The following TP63 variants were observed in gnomAD, a reference collection of about 807,000 sequenced individuals.
The protein encoded by TP63 is tumor protein p63, also known as tumor protein 63.
TP63 carries 17 observed loss-of-function variants against 82.8 expected under a neutral mutation model. The observed-to-expected ratio is 0.21, with a 90% CI of 0.14 to 0.31. TP63 has a LOEUF of 0.31. TP63 is among the 10% of genes least tolerant of loss of function. TP63 has a pLI of 1.00. For missense variants in TP63, 648 were observed against 895.3 expected, an observed-to-expected ratio of 0.72 and a Z score of 3.52; for synonymous variants, 330 against 321.7, an observed-to-expected ratio of 1.03 and a Z score of -0.28.
At chr3:189,747,620 C>T (rs1414754022) in intron 3 of TP63, among the ~76,000 whole-genome samples, 2 of 151,932 alleles carry the variant, frequency 1.3e-5, no homozygotes, top group Non-Finnish European at 2.9e-5. Context: ...TAAATGCCTA[C>T]ACCAATAAGG....
chr3:189,890,833 C>T lies in TP63; in HGVS notation c.1697C>T (p.Thr566Met), dbSNP rs745687224. 46 of 1,613,956 alleles carry T rather than the reference C, an allele frequency of 2.9e-5. No individual in the cohort carries two copies. Among genetic ancestry groups the T allele is most frequent in the South Asian group, 8.8e-5 (8 of 91,088 alleles). The change falls in exon 13 of 14, where the codon ACG (threonine) becomes ATG (methionine). Residue 566 changes from threonine to methionine, a missense_variant. Around this residue, in one of 5 missense-constraint regions of TP63, gnomAD observed 342 missense variants for 425.7 expected, o/e 0.80. Transcript: ENST00000264731. ...LGCSSCLDYFTTQGLTTIYQI... is the reference protein window; with the variant it reads ...LGCSSCLDYFMTQGLTTIYQI... Reference sequence around the variant, plus strand: ...TGTTCATCATGTCTGGACTATTTCACGACCCAGGGGCTGACCACCATCTAT... The same window carrying T: ...TGTTCATCATGTCTGGACTATTTCATGACCCAGGGGCTGACCACCATCTAT...
chr3:189,675,635 G>A (rs955544772), intron 1 of TP63, among the ~76,000 whole-genome samples: 2 of 151,990 alleles, frequency 1.3e-5, no homozygotes, highest in African/African-American at 4.8e-5. Flanking sequence ...CACCTGCTTT[G>A]ATGCCTGAAT....
intron 1 of TP63, among the ~76,000 whole-genome samples, chr3:189,716,569 A>C (rs1266322804): frequency 6.6e-6 from 1 of 152,210 alleles, no homozygotes. Flanking sequence ...CAGTAAACAC[A>C]GTGGAGATGC....
chr3:189,757,744 A>G (rs1722288502), intron 3 of TP63, among the ~76,000 whole-genome samples: 1 of 152,272 alleles, frequency 6.6e-6, no homozygotes, highest in East Asian at 1.9e-4. Flanking sequence ...CCTACCCCCA[A>G]CCCTCACCAG....
chr3:189,611,716 G>A, the TP63 span, among the ~76,000 whole-genome samples: 2 of 152,142 alleles, frequency 1.3e-5, no homozygotes, highest in African/African-American at 2.4e-5. Context: ...GTTGCTTTAG[G>A]CAGTATAGCT....
chr3:189,789,942 A>G, intron 3 of TP63: 1 of 1,179,350 alleles, frequency 8.5e-7, no homozygotes, highest in Non-Finnish European at 1.1e-6. Flanking sequence ...ACCCAATGTA[A>G]TGTTTTGCAA....
chr3:189,827,933 G>A (rs2108691657), intron 4 of TP63, among the ~76,000 whole-genome samples: 1 of 152,226 alleles, frequency 6.6e-6, no homozygotes, highest in Admixed American at 6.5e-5. Context: ...GAAAGGTGTT[G>A]CAATATTTTA....
chr3:189,737,208 T>A (rs1253626762), intron 1 of TP63, among the ~76,000 whole-genome samples: 1 of 151,992 alleles, frequency 6.6e-6, no homozygotes, highest in Non-Finnish European at 1.5e-5. Context: ...CAGGTTTGAG[T>A]TTATTGTCCC....
chr3:189,888,655 G>T (rs1720707860), intron 11 of TP63, among the ~76,000 whole-genome samples: 1 of 152,074 alleles, frequency 6.6e-6, no homozygotes, highest in African/African-American at 2.4e-5. Context: ...TATAAATATT[G>T]ATATTAAACT....
In TP63 at chr3:189,890,780, C is replaced by T. The variant is rs886044632; in HGVS notation, c.1653-9C>T. ...GTTTCCTCCTTCCTCTTCCCTCCTC[C>T]CTCTGCAGTTTCTTAGCGAGGTTGG... On this transcript the variant is annotated splice_polypyrimidine_tract_variant and intron_variant, in intron 12 of 13. Coordinates refer to ENST00000264731, the MANE Select transcript of TP63 (RefSeq NM_003722.5). The T allele has an allele frequency of 6.2e-7, 1 of 1,613,584 alleles. No homozygotes were observed. Among genetic ancestry groups the T allele is most frequent in the Non-Finnish European group, 8.5e-7 (1 of 1,179,588 alleles).
rs142682341 is a variant in TP63 at position 189,799,803 on chromosome 3, C to CTTACT, written c.325-8468_325-8467insTACTT. On this transcript the variant is annotated intron_variant, in intron 3 of 13. Coordinates refer to ENST00000264731, the MANE Select transcript of TP63 (RefSeq NM_003722.5). ...GAAATGAATCAAATTTGGACACAGA[C>CTTACT]TCAGGATAAAATAAATGATCAGTTG... 6.4e-3 allele frequency among the ~76,000 whole-genome samples: 975 copies of CTTACT among 152,212 alleles called. 6 individuals carry two copies. Among genetic ancestry groups the CTTACT allele is most frequent in the African/African-American group, 0.022 (934 of 41,548 alleles).
chr3:189,632,684 A>C (rs1251392366), intron 1 of TP63, among the ~76,000 whole-genome samples: 1 of 152,134 alleles, frequency 6.6e-6, no homozygotes, highest in Non-Finnish European at 1.5e-5. Flanking sequence ...CCAAGGTTTC[A>C]GTGGAATTTG....
At chr3:189,682,181 A>G (rs12637443) in intron 1 of TP63, among the ~76,000 whole-genome samples, 27,132 of 152,034 alleles carry the variant, frequency 0.18, 2,460 homozygotes, top group East Asian at 0.26. Flanking sequence ...CTATATTCAT[A>G]TATCAGTGCA....
intron 4 of TP63, among the ~76,000 whole-genome samples, chr3:189,839,951 G>A (rs141225421): frequency 6.6e-6 from 1 of 152,278 alleles, no homozygotes; most frequent in African/African-American, 2.4e-5. Context: ...GAAAGATTGG[G>A]CAACTTATTT....
At chr3:189,875,603 T>TATATATATATATATATATATATACACAC (rs1718991022) in intron 10 of TP63, among the ~76,000 whole-genome samples, 2 of 35,114 alleles carry the variant, frequency 5.7e-5, no homozygotes, top group Non-Finnish European at 1.7e-4. Context: ...CATATATATA[T>TATATATATATATATATATATATACACAC]ATATATATAT....
At chr3:189,826,203 T>C (rs550934676) in intron 4 of TP63, among the ~76,000 whole-genome samples, 27 of 152,248 alleles carry the variant, frequency 1.8e-4, no homozygotes, top group Non-Finnish European at 3.2e-4. Context: ...ACTGTAAGTA[T>C]TGACTAAGGC....
rs1553859699 is a variant in TP63, at chr3:189,875,613, T to TATATATACAC, written c.1349+2625_1349+2626insCACATATATA. On this transcript the variant is annotated intron_variant, in intron 10 of 13. Transcript: ENST00000264731. Reference sequence around the variant, plus strand: ...ACATACATATATATATATATATATATATATATATATATATATATATATATA... The same window carrying TATATATACAC: ...ACATACATATATATATATATATATATATATATACACATATATATATATATATATATATATA... 2.9e-4 allele frequency among the ~76,000 whole-genome samples: 31 copies of TATATATACAC among 105,494 alleles called. 1 individual carries two copies. Among genetic ancestry groups the TATATATACAC allele is most frequent in the African/African-American group, 6.0e-4 (15 of 24,920 alleles). 69.2% of individuals were successfully genotyped at this position (105,494 alleles called of 152,430 possible).
chr3:189,717,408 AC>A (rs1421151675), intron 1 of TP63, among the ~76,000 whole-genome samples: 1 of 152,180 alleles, frequency 6.6e-6, no homozygotes, highest in Non-Finnish European at 1.5e-5. Context: ...CTTTTGACAA[AC>A]ACAATAACTT....
At chr3:189,643,306 C>G (rs1712087436) in intron 1 of TP63, among the ~76,000 whole-genome samples, 1 of 152,140 alleles carries the variant, frequency 6.6e-6, no homozygotes, top group Non-Finnish European at 1.5e-5. Context: ...CGGCCCCAGA[C>G]AGCCAAGTTT....
Sources: gnomAD v4.1 joint callset for allele counts (sites outside exome capture counted in the v4.1 genomes callset) on GRCh38, gnomAD v4.1.1 for gene constraint, gnomAD v4.1.1 regional missense constraint, MANE v1.5 for transcripts, NCBI Gene and HGNC (gene_info 2026-07-23, HGNC 2026-07-21) for gene names.